BMP5: variants seen among roughly 807,000 people sequenced by gnomAD.
The protein encoded by BMP5 is bone morphogenetic protein 5.
Under a neutral mutation model 46.6 loss-of-function variants are expected in BMP5, and 23 were observed. That is an observed-to-expected ratio of 0.49 (90% CI 0.35 to 0.70). The LOEUF (loss-of-function observed/expected upper bound fraction) is 0.70, where lower values mean the gene tolerates loss of function less well. Among genes scored for constraint, BMP5 ranks in the 30% least tolerant of loss-of-function variants. The probability of loss-of-function intolerance (pLI) is 0.00; values close to 1 mark genes in which losing one functional copy is unlikely to be tolerated. For missense variants in BMP5, 545 were observed against 565.6 expected (o/e 0.96, Z 0.37); for synonymous variants, 204 against 191.9 (o/e 1.06, Z -0.52).
At chr6:55,792,870 A>AT (rs1775606611) in intron 3 of BMP5, among the ~76,000 whole-genome samples, 1 of 152,156 alleles carries the variant, frequency 6.6e-6, no homozygotes, top group African/African-American at 2.4e-5. Context: ...TTCTTGCCTG[A>AT]TTCTGTGACA....
At chr6:55,792,788 G>A (rs1023574967) in intron 3 of BMP5, among the ~76,000 whole-genome samples, 2 of 152,060 alleles carry the variant, frequency 1.3e-5, no homozygotes, top group Non-Finnish European at 2.9e-5. Flanking sequence ...TTACCTCTGT[G>A]GTTTATTAAA....
chr6:55,862,795 C>T (rs1259964128), intron 1 of BMP5, among the ~76,000 whole-genome samples: 1 of 152,196 alleles, frequency 6.6e-6, no homozygotes, highest in Non-Finnish European at 1.5e-5. Flanking sequence ...TTCTAACAGA[C>T]TCTCCAAGCT....
At chr6:55,807,311 T>C (rs1284219424) in intron 2 of BMP5, among the ~76,000 whole-genome samples, 1 of 152,214 alleles carries the variant, frequency 6.6e-6, no homozygotes, top group Non-Finnish European at 1.5e-5. Context: ...CCTGCATCTA[T>C]TGGGATGACC....
chr6:55,797,181 TC>T (rs202088162), intron 2 of BMP5, among the ~76,000 whole-genome samples: 1 of 151,664 alleles, frequency 6.6e-6, no homozygotes, highest in Non-Finnish European at 1.5e-5. Flanking sequence ...TAAAAACAAG[TC>T]CCCCCCAACC....
chr6:55,816,718 G>C (rs1187654063), intron 2 of BMP5, among the ~76,000 whole-genome samples: 3 of 152,002 alleles, frequency 2.0e-5, no homozygotes, highest in African/African-American at 7.3e-5. Context: ...GCATTCCATA[G>C]GATATTAATA....
chr6:55,794,381 C>A lies in BMP5; in HGVS notation c.730G>T (p.Asp244Tyr). 5.0e-6 allele frequency: 8 copies of A among 1,614,030 alleles called. No individual in the cohort carries two copies. The highest frequency in any genetic ancestry group is 6.8e-6 in the Non-Finnish European group (8 of 1,179,928). Residue 244 changes from aspartate (D) to tyrosine (Y), a missense_variant, in exon 3 of 7, where the codon GAT becomes TAT. Physicochemically the swap from Asp to Tyr is radical, Grantham distance 160 (BLOSUM62 -3). Transcript: ENST00000370830. ...ATATCAAAGACAAGCCAACCCACAT[C>A]TAAAGCTTGGGCCTTTCTTGTGTCT... ...LLDTRKAQAL[D>Y]VGWLVFDITV...
chr6:55,790,612 T>A (rs1775553624), intron 3 of BMP5, among the ~76,000 whole-genome samples: 1 of 152,236 alleles, frequency 6.6e-6, no homozygotes, highest in Non-Finnish European at 1.5e-5. Context: ...TAGCCAATCC[T>A]GGACTGTTAA....
chr6:55,771,819 T>C (rs1428749743), intron 4 of BMP5, among the ~76,000 whole-genome samples: 1 of 151,896 alleles, frequency 6.6e-6, no homozygotes, highest in African/African-American at 2.4e-5. Context: ...TTCTTATCCA[T>C]AGAGCCTTTG....
At chr6:55,793,213 A>G (rs1485116244) in intron 3 of BMP5, among the ~76,000 whole-genome samples, 1 of 152,150 alleles carries the variant, frequency 6.6e-6, no homozygotes, top group Non-Finnish European at 1.5e-5. Context: ...TTCTGAGCAA[A>G]TATGCCAGTA....
At chr6:55,845,988 T>C (rs1457438095) in intron 1 of BMP5, among the ~76,000 whole-genome samples, 1 of 151,906 alleles carries the variant, frequency 6.6e-6, no homozygotes, top group Non-Finnish European at 1.5e-5. Flanking sequence ...TAGAGAGAGT[T>C]TGGAACTATG....
chr6:55,819,257 T>A (rs1240445462), intron 2 of BMP5, among the ~76,000 whole-genome samples: 1 of 152,188 alleles, frequency 6.6e-6, no homozygotes, highest in South Asian at 2.1e-4. Context: ...TTTACACTCA[T>A]GTCAGTGAAA....
At chr6:55,802,230 A>T (rs1438486986) in intron 2 of BMP5, among the ~76,000 whole-genome samples, 2 of 152,206 alleles carry the variant, frequency 1.3e-5, no homozygotes, top group African/African-American at 4.8e-5. Flanking sequence ...TCTAGTGTCC[A>T]TGGCAATAGT....
chr6:55,829,509 T>TA (rs1562059079), intron 1 of BMP5, among the ~76,000 whole-genome samples: 5 of 145,642 alleles, frequency 3.4e-5, no homozygotes, highest in African/African-American at 1.4e-4. Context: ...ATATATATAT[T>TA]TTTTACTTCC....
chr6:55,809,705 A>G (rs1426398596), intron 2 of BMP5, among the ~76,000 whole-genome samples: 1 of 152,080 alleles, frequency 6.6e-6, no homozygotes, highest in African/African-American at 2.4e-5. Flanking sequence ...AAAGAGAAAC[A>G]AAAAGGAGAA....
At chr6:55,855,398 G>A (rs57221341) in intron 1 of BMP5, among the ~76,000 whole-genome samples, 4,721 of 151,370 alleles carry the variant, frequency 0.031, 240 homozygotes, top group African/African-American at 0.11. Flanking sequence ...AGAAAAAAAA[G>A]GGGGGGGATT....
chr6:55,855,896 C>T (rs16887302), intron 1 of BMP5, among the ~76,000 whole-genome samples: 5,474 of 152,098 alleles, frequency 0.036, 317 homozygotes, highest in African/African-American at 0.12. Flanking sequence ...TGATTGTAAA[C>T]ACGGCATAAT....
At chr6:55,781,877 A>G (rs373393688) in intron 3 of BMP5, among the ~76,000 whole-genome samples, 10 of 152,118 alleles carry the variant, frequency 6.6e-5, no homozygotes, top group African/African-American at 2.4e-4. Context: ...TATCATACAG[A>G]AAATCTATTT....
intron 1 of BMP5, among the ~76,000 whole-genome samples, chr6:55,829,347 G>GT (rs138425901): frequency 6.6e-5 from 10 of 150,728 alleles, no homozygotes; most frequent in Non-Finnish European, 1.3e-4. Flanking sequence ...TGGTTTTCTT[G>GT]TTTTTTTTCA....
At position 55,774,001 on chromosome 6, in the gene BMP5, C is replaced by A. The variant is rs371086729; in HGVS notation, c.1027+48G>T. On this transcript the variant is annotated intron_variant, in intron 4 of 6. Transcript: ENST00000370830. The stretch of plus-strand genomic sequence containing the variant: ...TTGTGGCTACTTGATTTGCAGCATA[C>A]GACCCCATAACTCTCTGTGCATAAC... 2.5e-6 allele frequency: 4 copies of A among 1,587,988 alleles called. No homozygotes were observed. In the Middle Eastern group the frequency reaches 6.5e-4, roughly 256 times the overall value.
Sources: allele counts gnomAD v4.1 joint callset (sites outside exome capture counted in the v4.1 genomes callset), GRCh38; gene constraint gnomAD v4.1.1; transcripts MANE v1.5; gene names NCBI Gene and HGNC (gene_info 2026-07-23, HGNC 2026-07-21).